The following NDUFS4 variants were observed in gnomAD, a reference collection of about 807,000 sequenced individuals.
NDUFS4 encodes NADH dehydrogenase [ubiquinone] iron-sulfur protein 4, mitochondrial.
NDUFS4 carries 28 observed loss-of-function variants against 24.3 expected under a neutral mutation model. The observed-to-expected ratio is 1.15, with a 90% CI of 0.85 to 1.58. The LOEUF is 1.58. NDUFS4 is among the 40% of genes most tolerant of loss of function. The probability of loss-of-function intolerance (pLI) is 0.00; values close to 1 mark genes in which losing one functional copy is unlikely to be tolerated. For synonymous variants in NDUFS4, 93 were observed against 69.7 expected (o/e 1.34, Z -1.67); for missense variants, 223 against 207.9 (o/e 1.07, Z -0.45).
At chr5:53,648,761 G>T (rs1177636785) in intron 3 of NDUFS4, among the ~76,000 whole-genome samples, 1 of 152,104 alleles carries the variant, frequency 6.6e-6, no homozygotes, top group East Asian at 1.9e-4. Context: ...TTGCAACCAA[G>T]AAAAAATTTT....
intron 2 of NDUFS4, among the ~76,000 whole-genome samples, chr5:53,637,587 C>T (rs1174027369): frequency 6.6e-6 from 1 of 151,720 alleles, no homozygotes; most frequent in African/African-American, 2.4e-5. Flanking sequence ...TATACTTTGC[C>T]AAATTGCTGT....
chr5:53,587,690 A>T (rs191496083), intron 1 of NDUFS4, among the ~76,000 whole-genome samples: 43 of 151,610 alleles, frequency 2.8e-4, no homozygotes, highest in Non-Finnish European at 5.3e-4. Context: ...GATACTCCAC[A>T]CCTCAACCTC....
intron 1 of NDUFS4, among the ~76,000 whole-genome samples, chr5:53,572,976 T>G (rs995032907): frequency 2.7e-5 from 4 of 148,406 alleles, no homozygotes; most frequent in Non-Finnish European, 4.5e-5. Flanking sequence ...TTTTGTTTTT[T>G]TTTTTTTTTA....
chr5:53,682,758 T>C (rs931866774), intron 4 of NDUFS4, among the ~76,000 whole-genome samples: 1 of 152,104 alleles, frequency 6.6e-6, no homozygotes, highest in African/African-American at 2.4e-5. Flanking sequence ...TTGGTTATAA[T>C]GTTCATCGCT....
At chr5:53,666,076 G>A (rs746421865) in intron 4 of NDUFS4, among the ~76,000 whole-genome samples, 4 of 152,014 alleles carry the variant, frequency 2.6e-5, no homozygotes, top group African/African-American at 4.8e-5. Context: ...TTACATAATT[G>A]TTTTCAAAAG....
chr5:53,577,229 G>C (rs528647100), intron 1 of NDUFS4, among the ~76,000 whole-genome samples: 1 of 152,138 alleles, frequency 6.6e-6, no homozygotes, highest in East Asian at 1.9e-4. Context: ...AAGGTGGAAG[G>C]CTTGACCATT....
At chr5:53,622,423 C>T (rs969580706) in intron 2 of NDUFS4, among the ~76,000 whole-genome samples, 13 of 152,060 alleles carry the variant, frequency 8.5e-5, no homozygotes, top group Admixed American at 1.3e-4. Context: ...TTGTGGAAGG[C>T]CACCTCCTTG....
intron 2 of NDUFS4, among the ~76,000 whole-genome samples, chr5:53,617,799 A>C (rs1460202379): frequency 6.6e-6 from 1 of 152,208 alleles, no homozygotes; most frequent in Admixed American, 6.5e-5. Flanking sequence ...CACTCTAGTG[A>C]GATACATGGG....
intron 4 of NDUFS4, among the ~76,000 whole-genome samples, chr5:53,681,594 G>T (rs1358945713): frequency 6.6e-6 from 1 of 152,048 alleles, no homozygotes; most frequent in African/African-American, 2.4e-5. Flanking sequence ...TAACTTTAAT[G>T]GATAAGAAAG....
chr5:53,681,669 C>A (rs1485533896), intron 4 of NDUFS4, among the ~76,000 whole-genome samples: 1 of 152,058 alleles, frequency 6.6e-6, no homozygotes, highest in African/African-American at 2.4e-5. Flanking sequence ...TTAATATTTT[C>A]TCTCCTGGAT....
At chr5:53,589,290 G>GT (rs1246528290) in intron 1 of NDUFS4, among the ~76,000 whole-genome samples, 1 of 152,144 alleles carries the variant, frequency 6.6e-6, no homozygotes, top group Non-Finnish European at 1.5e-5. Context: ...TTATCAAACT[G>GT]TGTCAGTCAG....
intron 2 of NDUFS4, among the ~76,000 whole-genome samples, 166 bp downstream of exon 2, chr5:53,603,696 A>G (rs1206693581): frequency 6.6e-6 from 1 of 152,196 alleles, no homozygotes; most frequent in African/African-American, 2.4e-5. Context: ...AAGATAATTT[A>G]TATTAAGCAT....
chr5:53,676,250 T>C (rs1338149566), intron 4 of NDUFS4, among the ~76,000 whole-genome samples: 4 of 152,184 alleles, frequency 2.6e-5, no homozygotes, highest in Non-Finnish European at 5.9e-5. Flanking sequence ...ACAGACTTTA[T>C]GTATCTCTCA....
chr5:53,649,691 A>G (rs563495849), intron 3 of NDUFS4, among the ~76,000 whole-genome samples: 1 of 152,282 alleles, frequency 6.6e-6, no homozygotes, highest in East Asian at 1.9e-4. Flanking sequence ...TTGGGTAGAT[A>G]CCAAGTAGTG....
At chr5:53,614,733 CT>C (rs1750793821) in intron 2 of NDUFS4, among the ~76,000 whole-genome samples, 1 of 151,912 alleles carries the variant, frequency 6.6e-6, no homozygotes, top group South Asian at 2.1e-4. Context: ...TGTGTCAGTT[CT>C]TTTCTTGCTT....
intron 2 of NDUFS4, among the ~76,000 whole-genome samples, chr5:53,618,706 A>G (rs1750932627): frequency 6.6e-6 from 1 of 152,138 alleles, no homozygotes; most frequent in South Asian, 2.1e-4. Context: ...CCAGTGAGAA[A>G]TTTCTTTATT....
At chr5:53,597,276 G>A (rs547975102) in intron 1 of NDUFS4, among the ~76,000 whole-genome samples, 11 of 152,290 alleles carry the variant, frequency 7.2e-5, no homozygotes, top group African/African-American at 2.6e-4. Context: ...GAGACAGGGA[G>A]TGAAAACAGA....
chr5:53,640,444 T>C (rs1007845834), intron 2 of NDUFS4, among the ~76,000 whole-genome samples: 2 of 152,144 alleles, frequency 1.3e-5, no homozygotes, highest in African/African-American at 2.4e-5. Flanking sequence ...TATGGTTCTG[T>C]AGGCTGTGCA....
intron 4 of NDUFS4, among the ~76,000 whole-genome samples, chr5:53,671,824 T>C (rs184357748): frequency 0.021 from 3,199 of 152,242 alleles, 120 homozygotes; most frequent in African/African-American, 0.072. Context: ...ATGGTCTTTT[T>C]TCCCCCGTTT....
Sources: allele counts gnomAD v4.1 joint callset (sites outside exome capture counted in the v4.1 genomes callset), GRCh38; gene constraint gnomAD v4.1.1; transcripts MANE v1.5; gene names NCBI Gene and HGNC (gene_info 2026-07-23, HGNC 2026-07-21).